The following PLCL1 variants were observed in gnomAD, a reference collection of about 807,000 sequenced individuals.
PLCL1 encodes the protein inactive phospholipase C-like protein 1.
In PLCL1, 41 loss-of-function variants were observed where a neutral mutation model predicts 84.4. That is an observed-to-expected ratio of 0.49 (90% confidence interval 0.38 to 0.63). The LOEUF is 0.63. Among genes scored for constraint, PLCL1 ranks in the 30% least tolerant of loss-of-function variants. The pLI is 0.00. For synonymous variants in PLCL1, 490 were observed against 488.3 expected, an observed-to-expected ratio of 1.00 and a Z score of -0.05; for missense variants, 1,206 against 1,367.8, an observed-to-expected ratio of 0.88 and a Z score of 1.87.
intron 1 of PLCL1, among the ~76,000 whole-genome samples, chr2:198,018,543 G>C (rs182218661): frequency 2.0e-5 from 3 of 152,294 alleles, no homozygotes; most frequent in East Asian, 3.9e-4. Context: ...AGCTTGGAAG[G>C]GGGAGGGACG....
chr2:197,908,265 A>G (rs1688420347), intron 1 of PLCL1, among the ~76,000 whole-genome samples: 1 of 152,266 alleles, frequency 6.6e-6, no homozygotes, highest in Non-Finnish European at 1.5e-5. Flanking sequence ...AGTGCTGACT[A>G]GAAATAAAAT....
At chr2:197,821,673 T>G (rs753207918) in intron 1 of PLCL1, among the ~76,000 whole-genome samples, 1 of 152,146 alleles carries the variant, frequency 6.6e-6, no homozygotes. Context: ...AAGTTTCACA[T>G]GCCACTTCTG....
At chr2:197,908,536 T>A (rs997849216) in intron 1 of PLCL1, among the ~76,000 whole-genome samples, 5 of 152,220 alleles carry the variant, frequency 3.3e-5, no homozygotes, top group Non-Finnish European at 5.9e-5. Flanking sequence ...TCAGAAGAAA[T>A]TTACTCTCAA....
chr2:198,097,234 A>G (rs1410499883), intron 3 of PLCL1, among the ~76,000 whole-genome samples: 2 of 152,200 alleles, frequency 1.3e-5, no homozygotes, highest in Non-Finnish European at 2.9e-5. Context: ...ATGTGGGTAC[A>G]GCAATGTCTT....
intron 1 of PLCL1, among the ~76,000 whole-genome samples, chr2:197,934,521 G>A (rs1178303299): frequency 6.6e-6 from 1 of 152,064 alleles, no homozygotes; most frequent in African/African-American, 2.4e-5. Flanking sequence ...ATATTCAAAA[G>A]CACTATTAAG....
chr2:198,121,757 A>G (rs1267475082), intron 5 of PLCL1, among the ~76,000 whole-genome samples: 1 of 152,026 alleles, frequency 6.6e-6, no homozygotes, highest in East Asian at 1.9e-4. Flanking sequence ...ACTCAGTTTC[A>G]TCTTTTCCTA....
intron 1 of PLCL1, among the ~76,000 whole-genome samples, chr2:198,061,537 G>A (rs1397162985): frequency 6.6e-6 from 1 of 152,006 alleles, no homozygotes; most frequent in Non-Finnish European, 1.5e-5. Flanking sequence ...ATATGATCTG[G>A]GATAATGGGA....
At chr2:198,003,204 C>A (rs1690646798) in intron 1 of PLCL1, among the ~76,000 whole-genome samples, 1 of 152,008 alleles carries the variant, frequency 6.6e-6, no homozygotes, top group Non-Finnish European at 1.5e-5. Flanking sequence ...AGACATAATT[C>A]TTAATGTAAA....
chr2:198,078,943 T>C (rs1392468748), intron 1 of PLCL1, among the ~76,000 whole-genome samples: 3 of 152,048 alleles, frequency 2.0e-5, no homozygotes, highest in Admixed American at 6.6e-5. Flanking sequence ...CTTAAGTACA[T>C]AACCATTTCT....
At chr2:198,017,211 C>A (rs773265634) in intron 1 of PLCL1, among the ~76,000 whole-genome samples, 1 of 152,198 alleles carries the variant, frequency 6.6e-6, no homozygotes, top group Non-Finnish European at 1.5e-5. Flanking sequence ...AGGAATTCAC[C>A]TTCACAAAGA....
At chr2:198,055,418 T>C (rs2342558) in intron 1 of PLCL1, among the ~76,000 whole-genome samples, 108,176 of 149,312 alleles carry the variant, frequency 0.72, 40,034 homozygotes, top group African/African-American at 0.87. Context: ...CTTGGAGTAT[T>C]ACATTACATC....
chr2:197,866,834 C>G (rs758557745), intron 1 of PLCL1, among the ~76,000 whole-genome samples: 2 of 152,146 alleles, frequency 1.3e-5, no homozygotes, highest in Non-Finnish European at 2.9e-5. Context: ...TTCTGGAGAA[C>G]CCATACTAAA....
chr2:197,914,962 C>T (rs1411014423), intron 1 of PLCL1, among the ~76,000 whole-genome samples: 1 of 152,100 alleles, frequency 6.6e-6, no homozygotes, highest in Non-Finnish European at 1.5e-5. Flanking sequence ...TCATAAATAA[C>T]CTGGAACATG....
At chr2:197,872,643 C>T (rs1357931885) in intron 1 of PLCL1, among the ~76,000 whole-genome samples, 1 of 152,104 alleles carries the variant, frequency 6.6e-6, no homozygotes, top group Admixed American at 6.6e-5. Flanking sequence ...GATCATGATA[C>T]CCACTTTATT....
intron 1 of PLCL1, among the ~76,000 whole-genome samples, chr2:197,965,578 CT>C (rs1689711884): frequency 6.6e-6 from 1 of 151,482 alleles, no homozygotes; most frequent in Non-Finnish European, 1.5e-5. Flanking sequence ...CTATTTTTTC[CT>C]GCTGATTTTG....
intron 1 of PLCL1, among the ~76,000 whole-genome samples, chr2:198,043,425 T>G (rs1304513220): frequency 6.6e-6 from 1 of 152,142 alleles, no homozygotes; most frequent in Non-Finnish European, 1.5e-5. Flanking sequence ...AGTCCTGTGT[T>G]AGGAGCTGGT....
chr2:198,082,375 C>T (rs936494222), intron 1 of PLCL1, among the ~76,000 whole-genome samples: 3 of 151,724 alleles, frequency 2.0e-5, no homozygotes, highest in Admixed American at 6.6e-5. Context: ...ACTCGGGAGG[C>T]GGAGGTTGCA....
chr2:198,085,068 T>G lies in PLCL1; in HGVS notation c.1551T>G (p.Thr517=). ...MKKVFGNKLY[T]EAPLPSESYL... is the part of the protein sequence containing the mutation. ...AGGTCTTTGGCAATAAACTCTATAC[T>G]GAAGCACCTTTGCCCTCAGAATCCT... The change falls in exon 2 of 6, where the codon ACT becomes ACG. Residue 517 remains threonine, a synonymous_variant. Coordinates refer to ENST00000428675, the MANE Select transcript of PLCL1 (RefSeq NM_006226.4). The surrounding 1 kb of genome is among the most constrained non-coding windows in gnomAD (Gnocchi z 5.3). 1.9e-6 allele frequency: 3 copies of G among 1,614,050 alleles called. No individual in the cohort carries two copies. Among genetic ancestry groups the G allele is most frequent in the Non-Finnish European group, 2.5e-6 (3 of 1,179,950 alleles).
In PLCL1 at chr2:198,101,299, C is replaced by T; in HGVS notation, c.2934C>T (p.Ser978=). 1 of 1,594,290 alleles carries T rather than the reference C, an allele frequency of 6.3e-7. No individual in the cohort carries two copies. The highest frequency in any genetic ancestry group is 8.6e-7 in the Non-Finnish European group (1 of 1,163,414). ...TTTTGTAACAGATGATTCAAGAGAG[C>T]CGGTTTCTCATAGAAATGGCGGACA... ...LTAYDLMIQE[S]RFLIEMADTV... is the part of the protein sequence containing the mutation. The change falls in exon 4 of 6, where the codon AGC becomes AGT. Residue 978 remains serine (S), a synonymous_variant. Transcript: ENST00000428675.
Sources: gnomAD v4.1 joint callset for allele counts (sites outside exome capture counted in the v4.1 genomes callset) on GRCh38, gnomAD v4.1.1 for gene constraint, Gnocchi (gnomAD v3.1) non-coding constraint, MANE v1.5 for transcripts, NCBI Gene and HGNC (gene_info 2026-07-23, HGNC 2026-07-21) for gene names.